Variants in COL27A1 observed in about 807,000 individuals in gnomAD.
COL27A1 encodes the protein collagen alpha-1(XXVII) chain.
A neutral mutation model predicts 251.3 loss-of-function variants in COL27A1; 106 were observed. The observed-to-expected ratio is 0.42, with a 90% CI of 0.36 to 0.50. The LOEUF (loss-of-function observed/expected upper bound fraction) is 0.50. Among genes scored for constraint, COL27A1 ranks in the 20% least tolerant of loss-of-function variants. The pLI, the probability that COL27A1 is intolerant of heterozygous loss-of-function variation, is 0.00. For synonymous variants in COL27A1, 1,000 were observed against 986.3 expected (o/e 1.01, Z -0.26); for missense variants, 2,325 against 2,522.8 (o/e 0.92, Z 1.68).
At chr9:114,280,274 C>T (rs1363433336) in intron 37 of COL27A1, among the ~76,000 whole-genome samples, 2 of 151,528 alleles carry the variant, frequency 1.3e-5, no homozygotes, top group African/African-American at 4.9e-5. Flanking sequence ...TGCGGTGGTG[C>T]TCACTGCAAT....
chr9:114,186,347 G>A (rs1828334833), intron 5 of COL27A1, among the ~76,000 whole-genome samples: 1 of 152,248 alleles, frequency 6.6e-6, no homozygotes. Context: ...TGCAGAAGGG[G>A]CAGTTGTCTG....
chr9:114,213,305 C>G (rs1830486203), intron 12 of COL27A1, among the ~76,000 whole-genome samples: 1 of 152,174 alleles, frequency 6.6e-6, no homozygotes, highest in Admixed American at 6.5e-5. Context: ...CCTCTGCATC[C>G]TCCTCATCTC....
intron 5 of COL27A1, 64 bp downstream of exon 5, chr9:114,183,139 C>A: frequency 6.7e-7 from 1 of 1,485,436 alleles, no homozygotes; most frequent in Non-Finnish European, 9.4e-7. Context: ...GTTTGCAGTG[C>A]TTCCCAGGGG....
At chr9:114,245,985 C>G in intron 24 of COL27A1, 75 bp downstream of exon 24, 1 of 1,291,702 alleles carries the variant, frequency 7.7e-7, no homozygotes, top group Non-Finnish European at 1.1e-6. Flanking sequence ...CTTTGCCCAG[C>G]ACCCTCCATG....
chr9:114,161,795 A>G (rs541174788), intron 1 of COL27A1, among the ~76,000 whole-genome samples: 287 of 152,236 alleles, frequency 1.9e-3, no homozygotes, highest in Middle Eastern at 6.8e-3. Flanking sequence ...GTGAAATTGT[A>G]TCATTGCCTT....
At chr9:114,218,839 C>T (rs1352736692) in intron 12 of COL27A1, among the ~76,000 whole-genome samples, 1 of 152,130 alleles carries the variant, frequency 6.6e-6, no homozygotes, top group Non-Finnish European at 1.5e-5. Flanking sequence ...AGTGTACTCA[C>T]TGGACTCCTC....
chr9:114,302,164 G>T, intron 56 of COL27A1, 56 bp downstream of exon 56: 1 of 1,466,160 alleles, frequency 6.8e-7, no homozygotes, highest in Non-Finnish European at 9.6e-7. Context: ...GGGGTTTGGG[G>T]GAAGAGGCTG....
Position 114,222,126 on chromosome 9 carries a change from A to C in COL27A1, c.2422-97A>C, listed in dbSNP as rs1467242318. ...AGGAATAAGGAGTGTTCAGCTCTGA[A>C]AGACCCCACCAGGTGCCTGTGTGGA... On this transcript the variant is annotated intron_variant, in intron 13 of 60. Coordinates refer to ENST00000356083, the MANE Select transcript of COL27A1 (RefSeq NM_032888.4). 5 of 1,086,472 alleles carry C rather than the reference A, an allele frequency of 4.6e-6. No individual in the cohort carries two copies. The East Asian group carries it at 9.5e-5, about 21-fold the overall frequency. 67.3% of individuals were successfully genotyped at this position (1,086,472 alleles called of 1,614,324 possible). A position where few individuals can be genotyped will look rare whatever the true frequency, so the allele number is the denominator to read the frequency against.
At chr9:114,303,855 C>T (rs1454789223) in intron 56 of COL27A1, among the ~76,000 whole-genome samples, 2 of 152,206 alleles carry the variant, frequency 1.3e-5, no homozygotes, top group East Asian at 3.8e-4. Flanking sequence ...AGGAGAAACA[C>T]GGGGACTGGG....
intron 13 of COL27A1, among the ~76,000 whole-genome samples, chr9:114,221,097 G>A (rs1831076247): frequency 6.6e-6 from 1 of 152,092 alleles, no homozygotes; most frequent in African/African-American, 2.4e-5. Context: ...TAAAATACTG[G>A]GTAATCCGGG....
Position 114,258,609 on chromosome 9 carries a change from G to T in COL27A1, c.3195+15G>T, listed in dbSNP as rs776609844. On this transcript the variant is annotated intron_variant, in intron 28 of 60. Coordinates refer to ENST00000356083, the MANE Select transcript of COL27A1 (RefSeq NM_032888.4). ...AGGGACGTCGGGTAAGTCGAGCCCA[G>T]CTCCTGGGGGCTGATGCTGGTGGGA... is the stretch of plus-strand genomic sequence containing the variant. 5.0e-6 allele frequency: 8 copies of T among 1,613,154 alleles called. No homozygotes were observed. The Admixed American group carries it at 1.2e-4, about 24-fold the overall frequency.
At chr9:114,220,307 G>C (rs1830997771) in intron 13 of COL27A1, among the ~76,000 whole-genome samples, 3 of 152,198 alleles carry the variant, frequency 2.0e-5, no homozygotes, top group Admixed American at 2.0e-4. Context: ...ATAATTAGAG[G>C]CCCAGGCTCT....
At chr9:114,247,154 A>C (rs74971230) in intron 24 of COL27A1, among the ~76,000 whole-genome samples, 2,866 of 152,334 alleles carry the variant, frequency 0.019, 113 homozygotes, top group African/African-American at 0.065. Context: ...GTTAAAATAT[A>C]ATATATTCAT....
At chr9:114,289,183 C>A in intron 44 of COL27A1, 59 bp from the exon 45 acceptor site, 1 of 1,015,358 alleles carries the variant, frequency 9.8e-7, no homozygotes, top group Non-Finnish European at 1.4e-6. Context: ...CGGAGACTGG[C>A]CACCCTCCCC....
intron 55 of COL27A1, 22 bp downstream of exon 55, chr9:114,301,739 G>A: frequency 6.2e-7 from 1 of 1,610,728 alleles, no homozygotes; most frequent in Non-Finnish European, 8.5e-7. Context: ...AGTGCTGGGT[G>A]CATCTTGGAC....
chr9:114,182,177 A>AAATAATAATAAT (rs71367755), intron 4 of COL27A1, among the ~76,000 whole-genome samples: 7,583 of 138,038 alleles, frequency 0.055, 239 homozygotes, highest in South Asian at 0.087. Flanking sequence ...CATCTCTATA[A>AAATAATAATAAT]AATAATAATA....
chr9:114,181,729 C>G (rs1056316407), intron 4 of COL27A1, among the ~76,000 whole-genome samples: 1 of 152,186 alleles, frequency 6.6e-6, no homozygotes, highest in South Asian at 2.1e-4. Context: ...ATAACAGGAC[C>G]CAGCTGTTAT....
intron 24 of COL27A1, 147 bp downstream of exon 24, chr9:114,246,057 C>T (rs182485668): frequency 9.9e-4 from 617 of 624,234 alleles, no homozygotes; most frequent in Non-Finnish European, 1.4e-3. Flanking sequence ...ACCCCTTTCA[C>T]GAATGTGGAC....
At position 114,191,435 on chromosome 9, in the gene COL27A1, G is replaced by A. The variant is rs532711079; in HGVS notation, c.2017-2969G>A. ...TCCCTACCCCTACTCCCCTGCCACC[G>A]ACAGGCCCCAGTGTATGTTGTTCAT... On this transcript the variant is annotated intron_variant, in intron 5 of 60. Transcript: ENST00000356083. Among the ~76,000 whole-genome samples the A allele has an allele frequency of 9.7e-4, 147 of 151,930 alleles. 1 individual carries two copies. Among genetic ancestry groups the A allele is most frequent in the Non-Finnish European group, 1.8e-3 (121 of 67,988 alleles).
Sources: allele counts gnomAD v4.1 joint callset (sites outside exome capture counted in the v4.1 genomes callset), GRCh38; gene constraint gnomAD v4.1.1; transcripts MANE v1.5; gene names NCBI Gene and HGNC (gene_info 2026-07-23, HGNC 2026-07-21).